TMEM232: variants seen among roughly 807,000 people sequenced by gnomAD.
TMEM232 encodes the protein transmembrane protein 232.
In TMEM232, 80 loss-of-function variants were observed where a neutral mutation model predicts 78.8. That is an observed-to-expected ratio of 1.01 (90% confidence interval 0.85 to 1.22). The LOEUF (loss-of-function observed/expected upper bound fraction) is 1.22. Ranked by LOEUF, TMEM232 falls within the 50% of genes most tolerant of loss-of-function variation. TMEM232 has a pLI of 0.00. For synonymous variants in TMEM232, 297 were observed against 254.3 expected (o/e 1.17, Z -1.60); for missense variants, 881 against 742.2 (o/e 1.19, Z -2.17).
chr5:110,600,957 C>G (rs181173272), intron 10 of TMEM232, among the ~76,000 whole-genome samples: 1 of 152,196 alleles, frequency 6.6e-6, no homozygotes, highest in Admixed American at 6.5e-5. Context: ...AGCTGATCCA[C>G]CACGATCAAG....
At chr5:110,644,811 C>T (rs144908874) in intron 2 of TMEM232, among the ~76,000 whole-genome samples, 1,517 of 151,472 alleles carry the variant, frequency 0.01, 32 homozygotes, top group African/African-American at 0.034. Flanking sequence ...AAACTAAGAG[C>T]TGTTTTCTTG....
chr5:110,505,829 C>A (rs1017317819), intron 12 of TMEM232, among the ~76,000 whole-genome samples: 1 of 152,090 alleles, frequency 6.6e-6, no homozygotes, highest in Admixed American at 6.6e-5. Context: ...CATTCCTATA[C>A]TCACATAATT....
At chr5:110,415,090 C>G (rs918650571), downstream of TMEM232, among the ~76,000 whole-genome samples, 2 of 152,160 alleles carry the variant, frequency 1.3e-5, no homozygotes, top group East Asian at 3.9e-4. Flanking sequence ...ACCTGTCAGA[C>G]TCAGGCTCCT....
chr5:110,645,530 T>G (rs1787368492), intron 2 of TMEM232, among the ~76,000 whole-genome samples: 1 of 150,088 alleles, frequency 6.7e-6, no homozygotes, highest in African/African-American at 2.4e-5. Flanking sequence ...ATGATTAAAA[T>G]TCTCAAGAAA....
At chr5:110,494,246 A>G (rs1397711753) in intron 12 of TMEM232, among the ~76,000 whole-genome samples, 1 of 152,186 alleles carries the variant, frequency 6.6e-6, no homozygotes. Context: ...AAACAGCATA[A>G]CAAATATAAA....
chr5:110,659,970 A>G (rs996124725), intron 2 of TMEM232, among the ~76,000 whole-genome samples: 5 of 152,116 alleles, frequency 3.3e-5, no homozygotes, highest in African/African-American at 1.2e-4. Context: ...TCTCAGAAGG[A>G]GAGAAAAGAA....
At chr5:110,423,995 G>C (rs1580614714) in intron 13 of TMEM232, among the ~76,000 whole-genome samples, 2 of 152,194 alleles carry the variant, frequency 1.3e-5, no homozygotes, top group East Asian at 3.9e-4. Flanking sequence ...GAATATTGCA[G>C]CTCTCGTTTT....
chr5:110,694,975 C>T (rs1453635342), intron 1 of TMEM232, among the ~76,000 whole-genome samples: 1 of 152,200 alleles, frequency 6.6e-6, no homozygotes, highest in East Asian at 1.9e-4. Context: ...ACAGAACTCT[C>T]CACCCCAAAT....
chr5:110,726,410 GGAT>G (rs1281388969), intron 1 of TMEM232, among the ~76,000 whole-genome samples: 44 of 152,224 alleles, frequency 2.9e-4, no homozygotes, highest in Admixed American at 2.2e-3. Flanking sequence ...GGCTTTTCCA[GGAT>G]GGACTGCTTA....
chr5:110,723,236 G>A (rs1797822923), intron 1 of TMEM232, among the ~76,000 whole-genome samples: 1 of 152,056 alleles, frequency 6.6e-6, no homozygotes, highest in Admixed American at 6.6e-5. Flanking sequence ...TGTGAGTTTT[G>A]GCAGTGGTTA....
intron 1 of TMEM232, among the ~76,000 whole-genome samples, chr5:110,718,142 T>C (rs1233908936): frequency 6.6e-6 from 1 of 152,184 alleles, no homozygotes; most frequent in African/African-American, 2.4e-5. Flanking sequence ...AGTATAAATC[T>C]ACATATATTT....
chr5:110,560,536 T>A (rs1335049158), intron 11 of TMEM232, among the ~76,000 whole-genome samples: 1 of 151,972 alleles, frequency 6.6e-6, no homozygotes, highest in Non-Finnish European at 1.5e-5. Flanking sequence ...AAAAGTAGTG[T>A]TGACTAATCA....
chr5:110,705,948 G>T (rs753207360), intron 1 of TMEM232, among the ~76,000 whole-genome samples: 1 of 151,802 alleles, frequency 6.6e-6, no homozygotes, highest in Non-Finnish European at 1.5e-5. Context: ...TGTTGGGAAG[G>T]GAAAAGGAAT....
intron 10 of TMEM232, among the ~76,000 whole-genome samples, chr5:110,589,407 C>T (rs761461306): frequency 5.3e-5 from 8 of 152,078 alleles, no homozygotes; most frequent in Non-Finnish European, 1.0e-4. Context: ...GCAAATAATG[C>T]TATAGGATAA....
At position 110,477,090 on chromosome 5, in the gene TMEM232, G is replaced by A. The variant is rs553153964; in HGVS notation, c.1703+51498C>T. ...GTTTTTCAAAACAAACCTGAGGCCT[G>A]TTTCAGATGTTAAAGAACTGGCATT... is the stretch of plus-strand genomic sequence containing the variant. On this transcript the variant is annotated intron_variant, in intron 12 of 13. Transcript: ENST00000455884. Among the ~76,000 whole-genome samples the A allele has an allele frequency of 3.3e-5, 5 of 152,056 alleles. No homozygotes were observed. In the South Asian group the frequency reaches 1.0e-3, roughly 32 times the overall value.
chr5:110,573,850 G>C (rs1777246444), intron 10 of TMEM232, among the ~76,000 whole-genome samples: 1 of 152,062 alleles, frequency 6.6e-6, no homozygotes, highest in Non-Finnish European at 1.5e-5. Context: ...TAGCTTGCTA[G>C]TTTAGAGAAA....
intron 12 of TMEM232, among the ~76,000 whole-genome samples, chr5:110,461,498 T>C (rs892290882): frequency 2.6e-5 from 4 of 152,198 alleles, no homozygotes; most frequent in Non-Finnish European, 5.9e-5. Context: ...AGTGCTAATG[T>C]AGAAACTGCA....
At chr5:110,738,333 CTGAG>C (rs1415848797), upstream of TMEM232, 2 of 1,067,212 alleles carry the variant, frequency 1.9e-6, no homozygotes, top group African/African-American at 3.4e-5. Flanking sequence ...TTTCAATACC[CTGAG>C]TGATTTAGAC....
At chr5:110,432,798 C>G (rs922349759) in intron 12 of TMEM232, among the ~76,000 whole-genome samples, 3 of 151,572 alleles carry the variant, frequency 2.0e-5, no homozygotes, top group African/African-American at 7.3e-5. Flanking sequence ...TAAAGACCCA[C>G]CACACTACTG....
Sources: allele counts gnomAD v4.1 joint callset (sites outside exome capture counted in the v4.1 genomes callset), GRCh38; gene constraint gnomAD v4.1.1; transcripts MANE v1.5; gene names NCBI Gene and HGNC (gene_info 2026-07-23, HGNC 2026-07-21).